The following SVEP1 variants were observed in gnomAD, a reference collection of about 807,000 sequenced individuals.
SVEP1 encodes the protein sushi, von Willebrand factor type A, EGF and pentraxin domain containing 1.
In SVEP1, 164 loss-of-function variants were observed where a neutral mutation model predicts 367.3. That is an observed-to-expected ratio of 0.45 (90% CI 0.39 to 0.51). SVEP1 has a LOEUF of 0.51. Among genes scored for constraint, SVEP1 ranks in the 20% least tolerant of loss-of-function variants. The pLI is 0.00. For synonymous variants in SVEP1, 1,666 were observed against 1,611.6 expected (o/e 1.03, Z -0.81); for missense variants, 4,117 against 4,425.3 (o/e 0.93, Z 1.98).
intron 12 of SVEP1, 95 bp downstream of exon 12, chr9:110,481,147 T>A: frequency 1.1e-6 from 1 of 926,844 alleles, no homozygotes; most frequent in Non-Finnish European, 1.5e-6. Flanking sequence ...CATTTTCCAT[T>A]AATTCCTATC....
chr9:110,392,520 G>A (rs572091355), intron 40 of SVEP1, among the ~76,000 whole-genome samples: 2 of 152,104 alleles, frequency 1.3e-5, no homozygotes, highest in African/African-American at 2.4e-5. Flanking sequence ...TGTGACTTCA[G>A]CAGCCATGGA....
At chr9:110,409,026 G>GA (rs905286125) in intron 37 of SVEP1, 75 bp from the exon 38 acceptor site, 20 of 1,458,216 alleles carry the variant, frequency 1.4e-5, no homozygotes, top group Non-Finnish European at 1.8e-5. Context: ...CTTGGATAGT[G>GA]AAAAAAACTA....
chr9:110,562,147 T>C (rs1830439771), intron 1 of SVEP1, among the ~76,000 whole-genome samples: 1 of 151,036 alleles, frequency 6.6e-6, no homozygotes, highest in Non-Finnish European at 1.5e-5. Context: ...AAAAAAAACA[T>C]GCAGAAGACC....
intron 24 of SVEP1, among the ~76,000 whole-genome samples, chr9:110,448,284 A>C (rs1828638413): frequency 6.6e-6 from 1 of 152,264 alleles, no homozygotes; most frequent in Non-Finnish European, 1.5e-5. Flanking sequence ...AAGGTTTGAT[A>C]ATCACAGTGA....
intron 17 of SVEP1, among the ~76,000 whole-genome samples, chr9:110,467,659 A>C (rs1431789049): frequency 4.1e-5 from 6 of 144,664 alleles, no homozygotes; most frequent in East Asian, 4.0e-4. Flanking sequence ...TTTTTGAGAT[A>C]GGGTCTTGCT....
chr9:110,535,196 T>C (rs187542750), intron 3 of SVEP1, among the ~76,000 whole-genome samples: 244 of 152,158 alleles, frequency 1.6e-3, no homozygotes, highest in African/African-American at 5.6e-3. Flanking sequence ...ATTTTTTATA[T>C]GGTATAAGAA....
At chr9:110,449,231 A>C (rs1828653480) in intron 24 of SVEP1, among the ~76,000 whole-genome samples, 2 of 152,158 alleles carry the variant, frequency 1.3e-5, no homozygotes. Context: ...TCAGGGAGAC[A>C]TAGTCTTTCT....
Position 110,377,354 on chromosome 9 carries a change from A to G in SVEP1, c.10421T>C (p.Phe3474Ser). 6.2e-7 allele frequency: 1 copy of G among 1,613,764 alleles called. No homozygotes were observed. Among genetic ancestry groups the G allele is most frequent in the Non-Finnish European group, 8.5e-7 (1 of 1,179,700 alleles). The part of the protein sequence containing the change: ...SPPICRAVCR[F>S]PCQNGGICQR... The stretch of plus-strand genomic sequence containing the variant: ...GCAGATGCCCCCATTCTGACATGGA[A>G]ATCGACAGACAGCTGGAAAAGAAGC... The change falls in exon 45 of 48, where the codon TTT becomes TCT. Residue 3474 changes from phenylalanine (F) to serine (S), a missense_variant. Physicochemically the swap from Phe to Ser is radical, Grantham distance 155. Transcript: ENST00000374469.
chr9:110,371,973 G>A (rs951205987), intron 46 of SVEP1, among the ~76,000 whole-genome samples: 3 of 151,696 alleles, frequency 2.0e-5, no homozygotes, highest in Admixed American at 6.6e-5. Flanking sequence ...TCCTTCAGTG[G>A]CTTCTGTTGC....
intron 36 of SVEP1, among the ~76,000 whole-genome samples, chr9:110,423,861 C>T (rs566755240): frequency 1.3e-5 from 2 of 152,136 alleles, no homozygotes; most frequent in South Asian, 4.2e-4. Context: ...TTTCAATAAC[C>T]CTTTGGAAGG....
In SVEP1 at chr9:110,391,269, GTCTTTTTT is replaced by G. The variant is rs1218077548; in HGVS notation, c.9823-1690_9823-1683del. On this transcript the variant is annotated intron_variant, in intron 40 of 47. Transcript: ENST00000374469. ...GCAACCTGATGGGTCATTACTTTTT[GTCTTTTTT>G]TTTTTTTTTTTGAGACAGAGTTTTG... Among the ~76,000 whole-genome samples, 8 of 107,740 alleles carry G rather than the reference GTCTTTTTT, an allele frequency of 7.4e-5. No homozygotes were observed. The East Asian group carries it at 1.8e-3, about 24-fold the overall frequency. 70.7% of individuals were successfully genotyped at this position (107,740 alleles called of 152,430 possible).
At chr9:110,448,710 C>T (rs1356831713) in intron 24 of SVEP1, among the ~76,000 whole-genome samples, 2 of 152,176 alleles carry the variant, frequency 1.3e-5, no homozygotes, top group Non-Finnish European at 2.9e-5. Flanking sequence ...ATTCATCAAT[C>T]GTTTTAAACC....
chr9:110,442,808 A>G (rs778401957), intron 27 of SVEP1: 1 of 152,184 alleles, frequency 6.6e-6, no homozygotes. Context: ...GAGGCTTCGC[A>G]AGGGTCATCT....
chr9:110,512,702 T>G, intron 5 of SVEP1: 2 of 581,244 alleles, frequency 3.4e-6, no homozygotes, highest in Non-Finnish European at 6.0e-6. Context: ...GGCAAACTTT[T>G]TCTTTGCTTG....
Position 110,514,060 on chromosome 9 carries a change from G to A in SVEP1, c.1011C>T (p.Ile337=). Residue 337 remains isoleucine, a synonymous_variant, in exon 4 of 48, where the codon ATC becomes ATT. Transcript: ENST00000374469. ...CATCAGGACATGGAATGCAACTGCT[G>A]ATTCCTCCTGGTGAGCCTTCAGGTT... ...TYKPEGSPGG[I]SSCIPCPDEN... The A allele has an allele frequency of 6.2e-7, 1 of 1,611,470 alleles. No individual in the cohort carries two copies. Among genetic ancestry groups the A allele is most frequent in the Non-Finnish European group, 8.5e-7 (1 of 1,178,758 alleles).
At chr9:110,549,809 AT>A in intron 2 of SVEP1, 39 bp downstream of exon 2, 1 of 1,606,090 alleles carries the variant, frequency 6.2e-7, no homozygotes, top group Non-Finnish European at 8.5e-7. Flanking sequence ...AGGAAGCCTC[AT>A]TTAAAAGTAC....
chr9:110,484,425 G>A (rs1829246072), intron 9 of SVEP1, among the ~76,000 whole-genome samples: 1 of 152,180 alleles, frequency 6.6e-6, no homozygotes, highest in Admixed American at 6.6e-5. Context: ...GGGTGAGTGA[G>A]CCAGGTTTCA....
intron 5 of SVEP1, among the ~76,000 whole-genome samples, chr9:110,511,176 T>C (rs1242890324): frequency 6.6e-6 from 1 of 152,190 alleles, no homozygotes; most frequent in African/African-American, 2.4e-5. Flanking sequence ...TAAATCTGTT[T>C]TTAATATTTT....
chr9:110,440,276 C>T lies in SVEP1; in HGVS notation c.4639+3269G>A, dbSNP rs151103449. On this transcript the variant is annotated intron_variant, in intron 27 of 47. Transcript: ENST00000374469. ...TTTCTTCTCTTCTATATACACTATG[C>T]TACTACTTTGGGGATCAGCCAACCA... Among the ~76,000 whole-genome samples the T allele has an allele frequency of 3.7e-4, 56 of 152,292 alleles. 2 individuals carry two copies. The highest frequency in any genetic ancestry group is 1.4e-3 in the South Asian group (7 of 4,828).
Sources: allele counts gnomAD v4.1 joint callset (sites outside exome capture counted in the v4.1 genomes callset), GRCh38; gene constraint gnomAD v4.1.1; transcripts MANE v1.5; gene names NCBI Gene and HGNC (gene_info 2026-07-23, HGNC 2026-07-21).